Variants in ITGA9 observed in about 807,000 individuals in gnomAD.
ITGA9 encodes integrin alpha-9.
Under a neutral mutation model 127.8 loss-of-function variants are expected in ITGA9, and 56 were observed. The ratio of observed to expected loss-of-function variants is 0.44; its 90% CI spans 0.35 to 0.55. The LOEUF (loss-of-function observed/expected upper bound fraction) is 0.55. Among genes scored for constraint, ITGA9 ranks in the 20% least tolerant of loss-of-function variants. The probability of loss-of-function intolerance (pLI) is 0.00; values close to 1 mark genes in which losing one functional copy is unlikely to be tolerated. For missense variants in ITGA9, 1,196 were observed against 1,347.1 expected (o/e 0.89, Z 1.76); for synonymous variants, 508 against 514.5 (o/e 0.99, Z 0.17).
At chr3:37,569,852 C>T (rs928998370) in intron 15 of ITGA9, among the ~76,000 whole-genome samples, 1 of 152,290 alleles carries the variant, frequency 6.6e-6, no homozygotes, top group Middle Eastern at 3.4e-3. Flanking sequence ...CCCTTAGTCC[C>T]ATCCTCAAAG....
At chr3:37,487,422 A>C (rs1698621783) in intron 4 of ITGA9, among the ~76,000 whole-genome samples, 1 of 152,184 alleles carries the variant, frequency 6.6e-6, no homozygotes, top group Non-Finnish European at 1.5e-5. Flanking sequence ...TGGAGCCAAG[A>C]ATTTTAATCT....
intron 22 of ITGA9, among the ~76,000 whole-genome samples, chr3:37,747,860 C>G (rs1696524136): frequency 6.6e-6 from 1 of 152,094 alleles, no homozygotes; most frequent in Non-Finnish European, 1.5e-5. Flanking sequence ...TCCTGAGTAG[C>G]TGGGACTAGA....
chr3:37,477,707 C>T (rs17227369), intron 3 of ITGA9, among the ~76,000 whole-genome samples: 19,110 of 152,244 alleles, frequency 0.13, 1,243 homozygotes, highest in Middle Eastern at 0.18. Flanking sequence ...TGTATAGGCA[C>T]TGACTGCTGC....
At chr3:37,555,123 A>T (rs201970277) in intron 15 of ITGA9, among the ~76,000 whole-genome samples, 1 of 137,772 alleles carries the variant, frequency 7.3e-6, no homozygotes, top group Non-Finnish European at 1.6e-5. Flanking sequence ...CAGCCATTGT[A>T]TGTGTTTTTC....
At chr3:37,678,949 A>G (rs1700708452) in intron 17 of ITGA9, among the ~76,000 whole-genome samples, 1 of 152,224 alleles carries the variant, frequency 6.6e-6, no homozygotes, top group Non-Finnish European at 1.5e-5. Context: ...ATAGTGAATG[A>G]ATTGGTGCTA....
chr3:37,749,042 A>G, intron 22 of ITGA9: 1 of 427,746 alleles, frequency 2.3e-6, no homozygotes, highest in South Asian at 3.8e-5. Context: ...TTGTGGCTTA[A>G]AACAACACAA....
chr3:37,489,041 A>T lies in ITGA9; in HGVS notation c.545-5460A>T, dbSNP rs574329870. The stretch of plus-strand genomic sequence containing the variant: ...TTCTACTTTGTCTCTGAATTTGGAT[A>T]CTCTAGACACCTCATGTAAGTTGAA... On this transcript the variant is annotated intron_variant, in intron 4 of 27. Coordinates refer to ENST00000264741, the MANE Select transcript of ITGA9 (RefSeq NM_002207.3). 3.9e-5 allele frequency among the ~76,000 whole-genome samples: 6 copies of T among 152,056 alleles called. No individual in the cohort carries two copies. In the South Asian group the frequency reaches 1.0e-3, roughly 26 times the overall value.
At chr3:37,757,234 GTTT>G (rs904010589) in intron 23 of ITGA9, among the ~76,000 whole-genome samples, 1 of 151,854 alleles carries the variant, frequency 6.6e-6, no homozygotes, top group Non-Finnish European at 1.5e-5. Context: ...ATCAAAAGCT[GTTT>G]TTTTGTCCAA....
chr3:37,797,167 A>G (rs200247189), intron 26 of ITGA9, among the ~76,000 whole-genome samples: 11 of 151,956 alleles, frequency 7.2e-5, no homozygotes, highest in Non-Finnish European at 1.5e-4. Flanking sequence ...ATCTCTACAA[A>G]TAATAATAAT....
intron 25 of ITGA9, 79 bp downstream of exon 25, chr3:37,780,100 G>A: frequency 6.5e-7 from 1 of 1,550,366 alleles, no homozygotes; most frequent in East Asian, 2.3e-5. Context: ...GTAAAAAAAA[G>A]GAAAAAGGAA....
intron 17 of ITGA9, among the ~76,000 whole-genome samples, chr3:37,669,064 G>C (rs1700612122): frequency 6.6e-6 from 1 of 152,214 alleles, no homozygotes; most frequent in South Asian, 2.1e-4. Context: ...GAGAGGGAAG[G>C]TACCAGGTAG....
At chr3:37,462,926 T>C (rs1470192878) in intron 1 of ITGA9, among the ~76,000 whole-genome samples, 1 of 152,220 alleles carries the variant, frequency 6.6e-6, no homozygotes, top group Admixed American at 6.5e-5. Context: ...GCCAGGGGAC[T>C]TGTCTAAAGT....
intron 25 of ITGA9, 24 bp downstream of exon 25, chr3:37,780,045 G>A: frequency 5.6e-6 from 9 of 1,613,132 alleles, no homozygotes; most frequent in Non-Finnish European, 7.6e-6. Context: ...AACCGCACTT[G>A]TGGATGCATT....
intron 23 of ITGA9, among the ~76,000 whole-genome samples, chr3:37,774,177 C>T (rs1696876886): frequency 6.6e-6 from 1 of 152,210 alleles, no homozygotes; most frequent in East Asian, 1.9e-4. Flanking sequence ...AATATTCATG[C>T]TGCTCCCCAC....
At chr3:37,640,794 A>AC (rs1205258224) in intron 16 of ITGA9, among the ~76,000 whole-genome samples, 4 of 152,056 alleles carry the variant, frequency 2.6e-5, no homozygotes, top group African/African-American at 9.7e-5. Flanking sequence ...CAGAGCACTC[A>AC]CCCTTTAGAG....
At chr3:37,698,757 C>T (rs1477129508) in intron 18 of ITGA9, among the ~76,000 whole-genome samples, 4 of 152,116 alleles carry the variant, frequency 2.6e-5, no homozygotes, top group Admixed American at 6.5e-5. Flanking sequence ...TGCCAAATAG[C>T]TTTTCAAAGT....
chr3:37,552,398 A>G (rs1021387297), intron 15 of ITGA9, among the ~76,000 whole-genome samples: 2 of 152,118 alleles, frequency 1.3e-5, no homozygotes, highest in African/African-American at 4.8e-5. Flanking sequence ...TTATTTTATA[A>G]AAGTATAGAT....
At chr3:37,714,285 C>T (rs1701110606) in intron 18 of ITGA9, among the ~76,000 whole-genome samples, 1 of 152,190 alleles carries the variant, frequency 6.6e-6, no homozygotes. Flanking sequence ...TATGTCCATT[C>T]CTTCCTCCTC....
intron 16 of ITGA9, among the ~76,000 whole-genome samples, chr3:37,640,254 C>G (rs773149872): frequency 6.6e-6 from 1 of 152,142 alleles, no homozygotes; most frequent in Non-Finnish European, 1.5e-5. Context: ...CACACGAGCC[C>G]TTAATAGCAG....
Sources: allele counts gnomAD v4.1 joint callset (sites outside exome capture counted in the v4.1 genomes callset), GRCh38; gene constraint gnomAD v4.1.1; transcripts MANE v1.5; gene names NCBI Gene and HGNC (gene_info 2026-07-23, HGNC 2026-07-21).